The following ACBD4 variants were observed in gnomAD, a reference collection of about 807,000 sequenced individuals.
ACBD4 encodes acyl-CoA-binding domain-containing protein 4.
ACBD4 carries 41 observed loss-of-function variants against 46.0 expected under a neutral mutation model. The ratio of observed to expected loss-of-function variants is 0.89; its 90% CI spans 0.69 to 1.16. ACBD4 has a LOEUF of 1.16. Ranked by LOEUF, ACBD4 falls within the 50% of genes most tolerant of loss-of-function variation. The pLI is 0.00. For missense variants in ACBD4, 393 were observed against 399.5 expected (o/e 0.98, Z 0.14); for synonymous variants, 162 against 155.9 (o/e 1.04, Z -0.29).
At chr17:45,132,856 G>T (rs751214539), upstream of ACBD4, among the ~76,000 whole-genome samples, 4 of 152,128 alleles carry the variant, frequency 2.6e-5, no homozygotes, top group Non-Finnish European at 5.9e-5. This position sits in a 1 kb window ranked among gnomAD's most constrained non-coding sequence, Gnocchi z 4.6. Flanking sequence ...TCCCTTCCGC[G>T]TCCCCGTCGC....
chr17:45,139,644 G>C (rs2055137746), intron 9 of ACBD4, among the ~76,000 whole-genome samples: 1 of 152,134 alleles, frequency 6.6e-6, no homozygotes, highest in South Asian at 2.1e-4. Flanking sequence ...AGCCCCGCTG[G>C]GTGCGAAACA....
At chr17:45,138,331 C>G in intron 8 of ACBD4, 1 of 423,076 alleles carries the variant, frequency 2.4e-6, no homozygotes, top group South Asian at 2.9e-5. Flanking sequence ...TTGGAAATCT[C>G]AGAAGACAAT....
At chr17:45,134,129 T>C (rs929341404), upstream of ACBD4, among the ~76,000 whole-genome samples, 1 of 152,216 alleles carries the variant, frequency 6.6e-6, no homozygotes, top group Non-Finnish European at 1.5e-5. Context: ...CCAATTCCGC[T>C]TTTAGTTATT....
upstream of ACBD4, among the ~76,000 whole-genome samples, chr17:45,133,590 G>T (rs1598051834): frequency 7.0e-6 from 1 of 142,900 alleles, no homozygotes; most frequent in African/African-American, 2.6e-5. Flanking sequence ...GGAGTGCAGT[G>T]GCGGGATCTC....
chr17:45,143,624 A>G lies in ACBD4; in HGVS notation c.*53A>G. The G allele has an allele frequency of 6.2e-7, 1 of 1,613,598 alleles. No individual in the cohort carries two copies. The highest frequency in any genetic ancestry group is 1.1e-5 in the South Asian group (1 of 91,074). On this transcript the variant is annotated 3_prime_UTR_variant, in exon 10 of 10. Transcript: ENST00000321854. ...ACTGAGACTATCTTGCTGTGCCCTG[A>G]GCCTTCCTAGGGTTTAGAAGAACAG... is the stretch of plus-strand genomic sequence containing the variant.
intron 6 of ACBD4, 70 bp from the exon 7 acceptor site, chr17:45,137,690 G>GC (rs1448070378): frequency 7.7e-6 from 12 of 1,555,142 alleles, no homozygotes; most frequent in Non-Finnish European, 9.8e-6. Flanking sequence ...AGGTGCTTCT[G>GC]CCCAGTGCAC....
chr17:45,143,484 G>C lies in ACBD4; in HGVS notation c.831G>C (p.Gly277=). 6.2e-7 allele frequency: 1 copy of C among 1,613,330 alleles called. No homozygotes were observed. Among genetic ancestry groups the C allele is most frequent in the Non-Finnish European group, 8.5e-7 (1 of 1,179,948 alleles). The change falls in exon 10 of 10, where the codon GGG becomes GGC. Residue 277 remains glycine (G), a synonymous_variant. Transcript: ENST00000321854. ...CCAGTGCTCGGCCATGGCCCCTTGG[G>C]CTCCCGGGGCCCGCGCTGCTCTTCT... is the stretch of plus-strand genomic sequence containing the variant. The part of the protein sequence containing the change: ...PRPSARPWPL[G]LPGPALLFFL...
chr17:45,136,464 T>G (rs774411250), intron 2 of ACBD4, 36 bp from the exon 3 acceptor site: 2 of 1,596,598 alleles, frequency 1.3e-6, no homozygotes, highest in Non-Finnish European at 1.7e-6. Context: ...GAGCTGGGAG[T>G]GATGCTTTGC....
At chr17:45,133,853 G>A (rs570697910), upstream of ACBD4, among the ~76,000 whole-genome samples, 4 of 151,868 alleles carry the variant, frequency 2.6e-5, no homozygotes, top group Admixed American at 6.6e-5. Context: ...CTTGATTATC[G>A]TATTCGCCTT....
chr17:45,141,644 G>A (rs1277063127), intron 9 of ACBD4, among the ~76,000 whole-genome samples: 1 of 152,196 alleles, frequency 6.6e-6, no homozygotes, highest in Non-Finnish European at 1.5e-5. Context: ...GGGTGACAGA[G>A]TGAGACCCTG....
chr17:45,137,292 C>T, intron 5 of ACBD4, 76 bp from the exon 6 acceptor site: 1 of 1,601,232 alleles, frequency 6.2e-7, no homozygotes, highest in Non-Finnish European at 8.6e-7. Context: ...CACGGCTCAT[C>T]ACGAGTAGGG....
intron 9 of ACBD4, among the ~76,000 whole-genome samples, chr17:45,140,241 T>C (rs1168296741): frequency 1.3e-5 from 2 of 151,380 alleles, no homozygotes; most frequent in Non-Finnish European, 2.9e-5. Context: ...TGAAGTACAG[T>C]GGCATGATCT....
At position 45,139,217 on chromosome 17, in the gene ACBD4, G is replaced by A. The variant is rs993821130; in HGVS notation, c.789+57G>A. ...TGGCAGAATCCGGTCTTTATTCTGGGCTCCTCTTCCAGCCACTTTTGTTTT... is the reference window on the plus strand; with the variant it reads ...TGGCAGAATCCGGTCTTTATTCTGGACTCCTCTTCCAGCCACTTTTGTTTT... On this transcript the variant is annotated intron_variant, in intron 9 of 9. Coordinates refer to ENST00000321854, the MANE Select transcript of ACBD4 (RefSeq NM_001135705.3). 60 of 1,589,886 alleles carry A rather than the reference G, an allele frequency of 3.8e-5. No individual in the cohort carries two copies. The East Asian group carries it at 6.7e-4, about 18-fold the overall frequency.
Position 45,143,937 on chromosome 17 carries a change from C to T in ACBD4, c.*366C>T. On this transcript the variant is annotated 3_prime_UTR_variant, in exon 10 of 10. Transcript: ENST00000321854. ...TGCTTCTCCCCGAGGAGGTTGAGCT[C>T]TTGAGCAAGTTGGGACTTGGGCCGG... The T allele has an allele frequency of 3.9e-6, 1 of 258,588 alleles. No homozygotes were observed. Among genetic ancestry groups the T allele is most frequent in the South Asian group, 6.4e-5 (1 of 15,564 alleles). The allele number at this position is 258,588 out of a possible 1,614,324, so 16.0% of individuals were successfully genotyped here.
In ACBD4 at chr17:45,143,821, G is replaced by A. The variant is rs746099732; in HGVS notation, c.*250G>A. 25 of 595,942 alleles carry A rather than the reference G, an allele frequency of 4.2e-5. No homozygotes were observed. The highest frequency in any genetic ancestry group is 6.3e-5 in the Non-Finnish European group (22 of 350,090). 36.9% of individuals were successfully genotyped at this position (595,942 alleles called of 1,614,324 possible). A position where few individuals can be genotyped will look rare whatever the true frequency, so the allele number is the denominator to read the frequency against. ...GGCTGCAGTTGTGGTACACGTCCCCGGTGCTGGGTTGGCCGTGACTCGGGG... is the reference window on the plus strand; with the variant it reads ...GGCTGCAGTTGTGGTACACGTCCCCAGTGCTGGGTTGGCCGTGACTCGGGG... On this transcript the variant is annotated 3_prime_UTR_variant, in exon 10 of 10. Coordinates refer to ENST00000321854, the MANE Select transcript of ACBD4 (RefSeq NM_001135705.3).
In ACBD4 at chr17:45,139,128, A is replaced by T; in HGVS notation, c.757A>T (p.Ser253Cys). 6.2e-7 allele frequency: 1 copy of T among 1,613,732 alleles called. No individual in the cohort carries two copies. Among genetic ancestry groups the T allele is most frequent in the African/African-American group, 1.3e-5 (1 of 75,036 alleles). Reference sequence around the variant, plus strand: ...GCAGGAGGTGCAGGCGAGGGTGCAGAGCCTGGAGAGCATGCCCCGGCCCCC... The same window carrying T: ...GCAGGAGGTGCAGGCGAGGGTGCAGTGCCTGGAGAGCATGCCCCGGCCCCC... ...SMQEVQARVQ[S>C]LESMPRPPEQ... Residue 253 changes from serine (S) to cysteine (C), a missense_variant, in exon 9 of 10, where the codon AGC (serine) becomes TGC (cysteine). By Grantham distance (112) the Ser-to-Cys change is moderately radical. Coordinates refer to ENST00000321854, the MANE Select transcript of ACBD4 (RefSeq NM_001135705.3).
At position 45,137,844 on chromosome 17, in the gene ACBD4, C is replaced by G. The variant is rs541746362; in HGVS notation, c.573+14C>G. On this transcript the variant is annotated intron_variant, in intron 7 of 9. Transcript: ENST00000321854. ...GAGCCTGAGCTGGTGAGCCCAGTCCCCATTCCCCCCTTTTCCCACCCCACT... is the reference window on the plus strand; with the variant it reads ...GAGCCTGAGCTGGTGAGCCCAGTCCGCATTCCCCCCTTTTCCCACCCCACT... 1 of 1,613,128 alleles carries G rather than the reference C, an allele frequency of 6.2e-7. No individual in the cohort carries two copies. The highest frequency in any genetic ancestry group is 2.2e-5 in the East Asian group (1 of 44,888).
At chr17:45,142,251 G>C (rs914318755) in intron 9 of ACBD4, among the ~76,000 whole-genome samples, 2 of 151,584 alleles carry the variant, frequency 1.3e-5, no homozygotes, top group Non-Finnish European at 2.9e-5. Context: ...AAATTAGCTA[G>C]GCATGGTGGC....
chr17:45,142,103 T>C (rs1361201837), intron 9 of ACBD4, among the ~76,000 whole-genome samples: 1 of 151,738 alleles, frequency 6.6e-6, no homozygotes, highest in Non-Finnish European at 1.5e-5. Flanking sequence ...AAGTAAGAAA[T>C]TAATTTAGGC....
Sources: gnomAD v4.1 joint callset for allele counts (sites outside exome capture counted in the v4.1 genomes callset) on GRCh38, gnomAD v4.1.1 for gene constraint, Gnocchi (gnomAD v3.1) non-coding constraint, MANE v1.5 for transcripts, NCBI Gene and HGNC (gene_info 2026-07-23, HGNC 2026-07-21) for gene names.